USP3: variants seen among roughly 807,000 people sequenced by gnomAD.
USP3 encodes the protein ubiquitin carboxyl-terminal hydrolase 3.
A neutral mutation model predicts 72.3 loss-of-function variants in USP3; 20 were observed. The observed-to-expected ratio is 0.28, with a 90% CI of 0.19 to 0.40. The LOEUF (loss-of-function observed/expected upper bound fraction) is 0.40. Among genes scored for constraint, USP3 ranks in the 10% least tolerant of loss-of-function variants. USP3 has a pLI of 1.00. For synonymous variants in USP3, 222 were observed against 225.3 expected, an observed-to-expected ratio of 0.99 and a Z score of 0.13; for missense variants, 479 against 633.9, an observed-to-expected ratio of 0.76 and a Z score of 2.62.
At chr15:63,505,293 G>A (rs1414686774) in intron 1 of USP3, among the ~76,000 whole-genome samples, 1 of 152,150 alleles carries the variant, frequency 6.6e-6, no homozygotes, top group East Asian at 1.9e-4. Flanking sequence ...TCCGGGCGCA[G>A]CTTTGTCTGG....
At chr15:63,583,943 ATC>A (rs2067007763) in intron 11 of USP3, among the ~76,000 whole-genome samples, 1 of 152,150 alleles carries the variant, frequency 6.6e-6, no homozygotes, top group South Asian at 2.1e-4. Flanking sequence ...GTGTAGAAGT[ATC>A]TGAGTTCCTG....
chr15:63,539,439 T>G (rs2066209176), intron 3 of USP3, among the ~76,000 whole-genome samples: 1 of 152,210 alleles, frequency 6.6e-6, no homozygotes, highest in Non-Finnish European at 1.5e-5. Context: ...AACTAACTGT[T>G]AAAGAAAATT....
intron 1 of USP3, among the ~76,000 whole-genome samples, chr15:63,512,353 C>T (rs1228386042): frequency 1.1e-4 from 5 of 45,014 alleles, no homozygotes; most frequent in African/African-American, 1.9e-4. Context: ...CCTCCTCTTC[C>T]TCTTCTTCTT....
chr15:63,537,055 T>C lies in USP3; in HGVS notation c.183T>C (p.Tyr61=). 1 of 1,613,934 alleles carries C rather than the reference T, an allele frequency of 6.2e-7. No individual in the cohort carries two copies. Among genetic ancestry groups the C allele is most frequent in the South Asian group, 1.1e-5 (1 of 91,032 alleles). ...RYVNGHAKKH[Y]EDAQVPLTNH... is the part of the protein sequence containing the mutation. ...TGAATGGCCATGCAAAAAAACATTA[T>C]GAAGATGCACAAGTACCTTTAACCA... Residue 61 remains tyrosine, a synonymous_variant, in exon 3 of 15, where the codon TAT becomes TAC. Coordinates refer to ENST00000380324, the MANE Select transcript of USP3 (RefSeq NM_006537.4).
intron 7 of USP3, among the ~76,000 whole-genome samples, chr15:63,561,258 G>A (rs535314638): frequency 6.6e-6 from 1 of 152,304 alleles, no homozygotes; most frequent in South Asian, 2.1e-4. Flanking sequence ...AGTAGTACTT[G>A]ATGCATTCAT....
chr15:63,513,382 A>G (rs1329732503), intron 1 of USP3, among the ~76,000 whole-genome samples: 1 of 151,866 alleles, frequency 6.6e-6, no homozygotes, highest in African/African-American at 2.4e-5. Context: ...ATTTTTGCTT[A>G]TTTATTTATT....
At chr15:63,521,458 C>G (rs547230350) in intron 1 of USP3, among the ~76,000 whole-genome samples, 1 of 152,276 alleles carries the variant, frequency 6.6e-6, no homozygotes, top group South Asian at 2.1e-4. Context: ...ATTTGTCTGC[C>G]TACTCCACAC....
In USP3 at chr15:63,574,765, G is replaced by C. The variant is rs763179419; in HGVS notation, c.1096+362G>C. Reference sequence around the variant, plus strand: ...ACTCAGCAGAGTTTTATAAATTATAGTATTACGTATTCTGTTGCCTAATAG... The same window carrying C: ...ACTCAGCAGAGTTTTATAAATTATACTATTACGTATTCTGTTGCCTAATAG... On this transcript the variant is annotated intron_variant, in intron 11 of 14. Coordinates refer to ENST00000380324, the MANE Select transcript of USP3 (RefSeq NM_006537.4). The surrounding 1 kb of genome is among the most constrained non-coding windows in gnomAD (Gnocchi z 4.6). Among the ~76,000 whole-genome samples the C allele has an allele frequency of 3.9e-5, 6 of 152,282 alleles. No individual in the cohort carries two copies. Among genetic ancestry groups the C allele is most frequent in the African/African-American group, 1.4e-4 (6 of 41,542 alleles).
chr15:63,521,555 A>C (rs952253687), intron 1 of USP3, among the ~76,000 whole-genome samples: 1 of 152,154 alleles, frequency 6.6e-6, no homozygotes, highest in Admixed American at 6.5e-5. Flanking sequence ...GAAACCTTGA[A>C]ATTAGAGAGC....
intron 1 of USP3, chr15:63,530,667 T>G (rs2066060027): frequency 3.2e-5 from 13 of 402,786 alleles, no homozygotes; most frequent in South Asian, 2.3e-4. Context: ...AAACAAAATA[T>G]TCATAATATC....
chr15:63,582,962 G>T (rs77475530), intron 11 of USP3, among the ~76,000 whole-genome samples: 8,947 of 152,190 alleles, frequency 0.059, 310 homozygotes, highest in Non-Finnish European at 0.072. Context: ...GCTCCTCAGG[G>T]TATCAAATTC....
intron 8 of USP3, among the ~76,000 whole-genome samples, chr15:63,564,223 C>G (rs1439206434): frequency 6.6e-6 from 1 of 151,998 alleles, no homozygotes; most frequent in African/African-American, 2.4e-5. Context: ...TATTTTTTAT[C>G]TGGTCTTCAT....
intron 3 of USP3, among the ~76,000 whole-genome samples, chr15:63,537,822 A>C (rs1225471681): frequency 6.6e-6 from 1 of 152,030 alleles, no homozygotes; most frequent in African/African-American, 2.4e-5. Context: ...AGTAGCTGGG[A>C]TTACAAGCAT....
rs191573735 is a variant in USP3 at position 63,542,035 on chromosome 15, A to C, written c.284+4879A>C. The C allele has an allele frequency of 1.3e-4, 124 of 985,142 alleles. No individual in the cohort carries two copies. The Middle Eastern group carries it at 1.6e-3, about 12-fold the overall frequency. 61.0% of individuals were successfully genotyped at this position (985,142 alleles called of 1,614,324 possible). A position where few individuals can be genotyped will look rare whatever the true frequency, so the allele number is the denominator to read the frequency against. On this transcript the variant is annotated intron_variant, in intron 3 of 14. Transcript: ENST00000380324. ...GCATAAAAAATGTTTTATTTGTATG[A>C]TTATTCCTCCTTGTTTCAGATGAGT...
chr15:63,532,623 A>G, intron 1 of USP3, 24 bp from the exon 2 acceptor site: 1 of 1,613,350 alleles, frequency 6.2e-7, no homozygotes, highest in Non-Finnish European at 8.5e-7. Flanking sequence ...CAATTGGTAT[A>G]TTGTGTATTT....
intron 1 of USP3, among the ~76,000 whole-genome samples, chr15:63,509,367 C>T (rs1174233373): frequency 2.0e-5 from 3 of 152,058 alleles, no homozygotes; most frequent in Admixed American, 6.6e-5. Context: ...TGAAAATAAA[C>T]GCAGAGTGAA....
Position 63,523,807 on chromosome 15 carries a change from G to A in USP3, c.92-8840G>A, listed in dbSNP as rs983438866. The stretch of plus-strand genomic sequence containing the variant: ...GAGAAATAGAAGCAGAATGAGTAAT[G>A]TTCTCAAGTCTTGTAATTATTTAGA... On this transcript the variant is annotated intron_variant, in intron 1 of 14. Coordinates refer to ENST00000380324, the MANE Select transcript of USP3 (RefSeq NM_006537.4). 5.9e-5 allele frequency among the ~76,000 whole-genome samples: 9 copies of A among 152,290 alleles called. No homozygotes were observed. In the South Asian group the frequency reaches 1.9e-3, roughly 32 times the overall value.
intron 3 of USP3, among the ~76,000 whole-genome samples, chr15:63,548,077 A>G (rs2066379032): frequency 1.5e-5 from 2 of 129,242 alleles, no homozygotes; most frequent in South Asian, 2.3e-4. Flanking sequence ...GGCCACTGCA[A>G]TCCAGCCTGG....
At chr15:63,538,089 A>G (rs1265925351) in intron 3 of USP3, among the ~76,000 whole-genome samples, 2 of 152,042 alleles carry the variant, frequency 1.3e-5, no homozygotes, top group African/African-American at 4.8e-5. Flanking sequence ...ATGACAAAGT[A>G]GGTATCTATT....
Sources: allele counts gnomAD v4.1 joint callset (sites outside exome capture counted in the v4.1 genomes callset), GRCh38; gene constraint gnomAD v4.1.1; non-coding constraint Gnocchi (gnomAD v3.1); transcripts MANE v1.5; gene names NCBI Gene and HGNC (gene_info 2026-07-23, HGNC 2026-07-21).